The following MBD5 variants were observed in gnomAD, a reference collection of about 807,000 sequenced individuals.
The protein encoded by MBD5 is methyl-CpG-binding domain protein 5.
Under a neutral mutation model 117.3 loss-of-function variants are expected in MBD5, and 13 were observed. The ratio of observed to expected loss-of-function variants is 0.11; its 90% confidence interval spans 0.07 to 0.18. The LOEUF (loss-of-function observed/expected upper bound fraction) is 0.18, where lower values mean the gene tolerates loss of function less well. MBD5 is among the 10% of genes least tolerant of loss of function. MBD5 has a pLI of 1.00. For synonymous variants in MBD5, 727 were observed against 766.4 expected (o/e 0.95, Z 0.85); for missense variants, 1,879 against 2,093.8 (o/e 0.90, Z 2.00).
intron 3 of MBD5, among the ~76,000 whole-genome samples, chr2:148,305,064 CA>C (rs59840091): frequency 0.2 from 25,259 of 127,842 alleles, 2,195 homozygotes; most frequent in Non-Finnish European, 0.2. Context: ...GACTCCGTCT[CA>C]AAAAAAAAAA....
intron 3 of MBD5, among the ~76,000 whole-genome samples, chr2:148,325,275 A>G (rs1702413455): frequency 6.6e-6 from 1 of 152,136 alleles, no homozygotes; most frequent in South Asian, 2.1e-4. Context: ...ATGTTCATCA[A>G]AGATATTGGT....
At chr2:148,092,041 C>T (rs1387958551) in intron 1 of MBD5, among the ~76,000 whole-genome samples, 1 of 151,922 alleles carries the variant, frequency 6.6e-6, no homozygotes, top group Non-Finnish European at 1.5e-5. Context: ...TATAAATGGC[C>T]AATAAACATG....
chr2:148,041,051 C>T lies in MBD5; in HGVS notation c.-925+19367C>T, dbSNP rs1433625375. ...GATCATGGGTCACTATAGCCTCAAC[C>T]TCCGGGCTTAAGTGATCCTCTAACC... On this transcript the variant is annotated intron_variant, in intron 1 of 13. Transcript: ENST00000642680. 3.3e-5 allele frequency among the ~76,000 whole-genome samples: 5 copies of T among 152,122 alleles called. No individual in the cohort carries two copies. The South Asian group carries it at 1.0e-3, about 32-fold the overall frequency.
chr2:148,055,004 A>G (rs1212868265), intron 1 of MBD5: 1 of 152,190 alleles, frequency 6.6e-6, no homozygotes, highest in Non-Finnish European at 1.5e-5. Context: ...TTTAATTTAC[A>G]GTTCCCCAAT....
Position 148,208,508 on chromosome 2 carries a change from C to T in MBD5, c.-830-24737C>T, listed in dbSNP as rs532885732. Among the ~76,000 whole-genome samples, 8 of 152,258 alleles carry T rather than the reference C, an allele frequency of 5.3e-5. No individual in the cohort carries two copies. In the South Asian group the frequency reaches 1.0e-3, roughly 20 times the overall value. On this transcript the variant is annotated intron_variant, in intron 2 of 13. Coordinates refer to ENST00000642680, the MANE Select transcript of MBD5 (RefSeq NM_001378120.1). The stretch of plus-strand genomic sequence containing the variant: ...CTGACCTCAAGTGATCTGCCTGCCT[C>T]GGCCTCCCCAAGTGCTGAGATTACA...
intron 4 of MBD5, among the ~76,000 whole-genome samples, chr2:148,360,164 C>A (rs1703492931): frequency 6.6e-6 from 1 of 152,016 alleles, no homozygotes; most frequent in Non-Finnish European, 1.5e-5. Context: ...GTATTATAAA[C>A]CCTCCATGTC....
intron 3 of MBD5, among the ~76,000 whole-genome samples, chr2:148,305,367 C>T (rs1232264599): frequency 1.3e-5 from 2 of 152,052 alleles, no homozygotes; most frequent in Non-Finnish European, 2.9e-5. Context: ...GGATGTCTGC[C>T]GGATGGTATG....
intron 1 of MBD5, chr2:148,025,259 T>C (rs1693861838): frequency 6.6e-6 from 1 of 152,236 alleles, no homozygotes; most frequent in Non-Finnish European, 1.5e-5. Context: ...GTCGTATCTT[T>C]GTTTTGGTGT....
chr2:148,255,676 A>G (rs1182862972), intron 3 of MBD5, among the ~76,000 whole-genome samples: 1 of 152,218 alleles, frequency 6.6e-6, no homozygotes, highest in African/African-American at 2.4e-5. Context: ...AGCCTCCACC[A>G]GGGCCAGGCT....
At chr2:148,093,908 T>C (rs982099970) in intron 1 of MBD5, among the ~76,000 whole-genome samples, 11 of 152,312 alleles carry the variant, frequency 7.2e-5, no homozygotes, top group African/African-American at 2.2e-4. Context: ...AAGAACTACT[T>C]ATTAAGTACC....
At chr2:148,207,072 T>A (rs1699300255) in intron 2 of MBD5, among the ~76,000 whole-genome samples, 1 of 152,136 alleles carries the variant, frequency 6.6e-6, no homozygotes, top group Non-Finnish European at 1.5e-5. Context: ...ATTTCAAATT[T>A]TTGGCCAGAA....
intron 4 of MBD5, among the ~76,000 whole-genome samples, chr2:148,441,248 C>T (rs1706312706): frequency 6.6e-6 from 1 of 152,070 alleles, no homozygotes; most frequent in East Asian, 1.9e-4. Flanking sequence ...AATGCTGTCC[C>T]TCCCCCTACC....
At chr2:148,085,999 C>T (rs1180689271) in intron 1 of MBD5, among the ~76,000 whole-genome samples, 2 of 152,086 alleles carry the variant, frequency 1.3e-5, no homozygotes, top group African/African-American at 2.4e-5. Context: ...TTCCATGATA[C>T]TGTTTATAGA....
rs531035165 is a variant in MBD5 at position 148,386,117 on chromosome 2, A to T, written c.-557+43781A>T. On this transcript the variant is annotated intron_variant, in intron 4 of 13. Coordinates refer to ENST00000642680, the MANE Select transcript of MBD5 (RefSeq NM_001378120.1). ...CTAAAACTTAAAGTATAATAATAAT[A>T]AAAAAAAAGAAAAAGAAAGGCTACA... Among the ~76,000 whole-genome samples, 22 of 150,608 alleles carry T rather than the reference A, an allele frequency of 1.5e-4. No homozygotes were observed. The South Asian group carries it at 1.5e-3, about 10-fold the overall frequency.
chr2:148,378,337 C>A (rs1433173833), intron 4 of MBD5, among the ~76,000 whole-genome samples: 1 of 152,014 alleles, frequency 6.6e-6, no homozygotes, highest in Non-Finnish European at 1.5e-5. Flanking sequence ...TCACATTAAC[C>A]TCCAAAATTG....
chr2:148,327,466 C>A (rs1702490211), intron 3 of MBD5, among the ~76,000 whole-genome samples: 1 of 152,160 alleles, frequency 6.6e-6, no homozygotes, highest in Non-Finnish European at 1.5e-5. Context: ...CTCCCCATCA[C>A]TTTCAGGTAC....
At chr2:148,189,228 G>A (rs1698764311) in intron 2 of MBD5, among the ~76,000 whole-genome samples, 1 of 147,794 alleles carries the variant, frequency 6.8e-6, no homozygotes, top group African/African-American at 2.5e-5. Flanking sequence ...AAAGCAGCCG[G>A]GAAGCTCGAA....
chr2:148,365,273 T>A (rs557189276), intron 4 of MBD5, among the ~76,000 whole-genome samples: 3 of 152,142 alleles, frequency 2.0e-5, no homozygotes, highest in East Asian at 1.9e-4. Context: ...CAGAAATAAA[T>A]AAGTTCTTTG....
At chr2:148,251,835 G>C (rs539787602) in intron 3 of MBD5, among the ~76,000 whole-genome samples, 62 of 152,208 alleles carry the variant, frequency 4.1e-4, no homozygotes, top group South Asian at 2.3e-3. Context: ...ATTTTGAGAG[G>C]GAAAGAAGTA....
Sources: allele counts gnomAD v4.1 joint callset (sites outside exome capture counted in the v4.1 genomes callset), GRCh38; gene constraint gnomAD v4.1.1; transcripts MANE v1.5; gene names NCBI Gene and HGNC (gene_info 2026-07-23, HGNC 2026-07-21).